TRIM68: variants seen among roughly 807,000 people sequenced by gnomAD.
TRIM68 encodes the protein E3 ubiquitin-protein ligase TRIM68.
In TRIM68, 36 loss-of-function variants were observed where a neutral mutation model predicts 41.9. The ratio of observed to expected loss-of-function variants is 0.86; its 90% CI spans 0.66 to 1.14. The LOEUF (loss-of-function observed/expected upper bound fraction) is 1.14, where lower values mean the gene tolerates loss of function less well. TRIM68 is among the 50% of genes most tolerant of loss of function. The probability of loss-of-function intolerance (pLI) is 0.00; values close to 1 mark genes in which losing one functional copy is unlikely to be tolerated. For missense variants in TRIM68, 632 were observed against 605.1 expected, an observed-to-expected ratio of 1.04 and a Z score of -0.47; for synonymous variants, 225 against 224.6, an observed-to-expected ratio of 1.00 and a Z score of -0.02.
intron 3 of TRIM68, 99 bp downstream of exon 3, chr11:4,603,146 T>C: frequency 8.6e-7 from 1 of 1,159,844 alleles, no homozygotes; most frequent in Non-Finnish European, 1.3e-6. Context: ...ATTTCAAGCC[T>C]CACATTCTGC....
intron 1 of TRIM68, among the ~76,000 whole-genome samples, chr11:4,606,579 GT>G (rs1281506697): frequency 1.3e-5 from 2 of 152,360 alleles, no homozygotes; most frequent in East Asian, 3.9e-4. Context: ...TTTAGCATTT[GT>G]GAGGTAAATT....
At chr11:4,606,883 A>C (rs1022753681) in intron 1 of TRIM68, among the ~76,000 whole-genome samples, 3 of 152,254 alleles carry the variant, frequency 2.0e-5, no homozygotes, top group Admixed American at 2.0e-4. Flanking sequence ...TAAATCTTGC[A>C]GGACTCTGAT....
chr11:4,606,776 A>AT (rs1308806713), intron 1 of TRIM68, among the ~76,000 whole-genome samples: 8 of 152,228 alleles, frequency 5.3e-5, no homozygotes, highest in Non-Finnish European at 1.0e-4. Context: ...CAAATTTCTT[A>AT]ACCTCTTTAG....
Position 4,608,141 on chromosome 11 carries a change from TTA to T in TRIM68, c.-174_-173del, listed in dbSNP as rs1846598056. On this transcript the variant is annotated 5_prime_UTR_variant, in exon 1 of 7. Coordinates refer to ENST00000300747, the MANE Select transcript of TRIM68 (RefSeq NM_018073.8). ...GCTGCCGTTCCCGGCAGCTCAGCAC[TTA>T]GGGCCAGAGAGCGGCAGAGGCCCAG... The T allele has an allele frequency of 2.6e-5, 4 of 152,468 alleles. No homozygotes were observed. Among genetic ancestry groups the T allele is most frequent in the African/African-American group, 9.6e-5 (4 of 41,478 alleles). The allele number at this position is 152,468 out of a possible 1,614,324, so 9.4% of individuals were successfully genotyped here.
chr11:4,606,913 C>A (rs1393661597), intron 1 of TRIM68, among the ~76,000 whole-genome samples: 1 of 152,198 alleles, frequency 6.6e-6, no homozygotes, highest in African/African-American at 2.4e-5. Context: ...GCAGGGCATG[C>A]CTTCTCACTA....
intron 1 of TRIM68, among the ~76,000 whole-genome samples, chr11:4,606,353 T>C (rs1846567738): frequency 6.6e-6 from 1 of 152,220 alleles, no homozygotes. Flanking sequence ...ACTTGGTCAA[T>C]GGCAGGCTCT....
chr11:4,598,871 T>C lies in TRIM68; in HGVS notation c.*1405A>G, dbSNP rs1323842339. The C allele has an allele frequency of 6.6e-6, 1 of 152,208 alleles. No homozygotes were observed. The highest frequency in any genetic ancestry group is 2.4e-5 in the African/African-American group (1 of 41,452). 9.4% of individuals were successfully genotyped at this position (152,208 alleles called of 1,614,324 possible). A position where few individuals can be genotyped will look rare whatever the true frequency, so the allele number is the denominator to read the frequency against. On this transcript the variant is annotated 3_prime_UTR_variant, in exon 7 of 7. Transcript: ENST00000300747. ...GCACTGCTATAAGATGCAGACTGTA[T>C]CATGGCACAGTGGGAAAGTCACCAT...
intron 4 of TRIM68, 154 bp downstream of exon 4, chr11:4,601,998 G>A: frequency 8.7e-7 from 1 of 1,144,678 alleles, no homozygotes; most frequent in Non-Finnish European, 1.2e-6. Flanking sequence ...GCCAGGGATA[G>A]GGAAACAGCA....
Position 4,605,526 on chromosome 11 carries a change from C to T in TRIM68, c.-22G>A. Reference sequence around the variant, plus strand: ...CCATGGTTCCTTCTCACACCCTCCTCAGAACATGAATGAAACCAGGGAGAA... The same window carrying T: ...CCATGGTTCCTTCTCACACCCTCCTTAGAACATGAATGAAACCAGGGAGAA... On this transcript the variant is annotated 5_prime_UTR_variant, in exon 2 of 7. The change abolishes the stop of an existing upstream ORF in the 5' untranslated region. Coordinates refer to ENST00000300747, the MANE Select transcript of TRIM68 (RefSeq NM_018073.8). 1 of 1,581,238 alleles carries T rather than the reference C, an allele frequency of 6.3e-7. No homozygotes were observed.
chr11:4,607,617 C>T (rs955864741), intron 1 of TRIM68, among the ~76,000 whole-genome samples: 2 of 152,126 alleles, frequency 1.3e-5, no homozygotes, highest in Non-Finnish European at 2.9e-5. Context: ...ATTTAGGGTG[C>T]TAAAAACATC....
At chr11:4,601,476 G>A in intron 5 of TRIM68, 188 bp downstream of exon 5, 1 of 627,934 alleles carries the variant, frequency 1.6e-6, no homozygotes. Flanking sequence ...ATTTGATCAA[G>A]TACAAAGAAG....
At chr11:4,606,985 C>T (rs1846579380) in intron 1 of TRIM68, among the ~76,000 whole-genome samples, 1 of 152,160 alleles carries the variant, frequency 6.6e-6, no homozygotes, top group African/African-American at 2.4e-5. Flanking sequence ...GATCCAGTAT[C>T]CTAAAACCTC....
At chr11:4,605,645 G>T in intron 1 of TRIM68, 84 bp from the exon 2 acceptor site, 1 of 859,400 alleles carries the variant, frequency 1.2e-6, no homozygotes, top group East Asian at 2.7e-5. Context: ...TTAATTTCTG[G>T]GGGAAAACCA....
In TRIM68 at chr11:4,605,227, A is replaced by G. The variant is rs549738493; in HGVS notation, c.278T>C (p.Leu93Pro). 1.1e-5 allele frequency: 17 copies of G among 1,614,262 alleles called. No homozygotes were observed. The South Asian group carries it at 1.5e-4, about 15-fold the overall frequency. The change falls in exon 2 of 7, where the codon CTG becomes CCG. Residue 93 changes from leucine to proline, a missense_variant. Leu to Pro is a moderately conservative substitution (Grantham distance 98, BLOSUM62 -3). Coordinates refer to ENST00000300747, the MANE Select transcript of TRIM68 (RefSeq NM_018073.8). ...ATGGCGCTCACACAGGTCACCCTTC[A>G]GCCCCATTCCTGGATGTAGCCTTAG... ...RLLRLHPGMG[L>P]KGDLCERHGE...
intron 6 of TRIM68, 62 bp from the exon 7 acceptor site, chr11:4,600,888 C>T: frequency 6.3e-7 from 1 of 1,578,842 alleles, no homozygotes; most frequent in Non-Finnish European, 8.6e-7. Flanking sequence ...GGTGAGAGCC[C>T]TCTGATAAAT....
rs1331802057 is a variant in TRIM68, at chr11:4,600,815, A to G, written c.919T>C (p.Leu307=). Residue 307 remains leucine, a synonymous_variant, in exon 7 of 7, where the codon TTG becomes CTG. Coordinates refer to ENST00000300747, the MANE Select transcript of TRIM68 (RefSeq NM_018073.8). ...ILKTYAADVR[L]DPDTAYSRLI... ...CGGGAGTAAGCAGTATCTGGATCCA[A>G]GCGCACATCAGCTAGAAGAAAAGGT... 1.2e-6 allele frequency: 2 copies of G among 1,612,148 alleles called. No individual in the cohort carries two copies. Among genetic ancestry groups the G allele is most frequent in the South Asian group, 1.1e-5 (1 of 90,962 alleles).
In TRIM68 at chr11:4,601,653, T is replaced by C; in HGVS notation, c.806+11A>G. 1 of 1,613,834 alleles carries C rather than the reference T, an allele frequency of 6.2e-7. No individual in the cohort carries two copies. Among genetic ancestry groups the C allele is most frequent in the South Asian group, 1.1e-5 (1 of 91,084 alleles). On this transcript the variant is annotated intron_variant, in intron 5 of 6. Transcript: ENST00000300747. ...CAGGGCTGCTTAGAGGCTCCAAGGG[T>C]GAGAACATACCTGTTTAACACTTCC...
Position 4,602,159 on chromosome 11 carries a change from A to G in TRIM68, c.776T>C (p.Met259Thr), listed in dbSNP as rs750350993. Residue 259 changes from methionine (M) to threonine (T), a missense_variant, in exon 4 of 7, where the codon ATG becomes ACG. By Grantham distance (81) the Met-to-Thr change is moderately conservative. Coordinates refer to ENST00000300747, the MANE Select transcript of TRIM68 (RefSeq NM_018073.8). Reference protein sequence around the residue: ...KERSQRPVRWMLQDIQEVLNR... With the variant: ...KERSQRPVRWTLQDIQEVLNR... ...GGAAAACCTACTACTCACCTGCAACATCCAGCGGACAGGCCTCTGCGACCT... is the reference window on the plus strand; with the variant it reads ...GGAAAACCTACTACTCACCTGCAACGTCCAGCGGACAGGCCTCTGCGACCT... 12 of 1,614,142 alleles carry G rather than the reference A, an allele frequency of 7.4e-6. No individual in the cohort carries two copies. The African/African-American group carries it at 1.5e-4, about 20-fold the overall frequency.
chr11:4,607,542 G>T (rs1288883771), intron 1 of TRIM68, among the ~76,000 whole-genome samples: 1 of 152,160 alleles, frequency 6.6e-6, no homozygotes. Flanking sequence ...GTGGCAGTAA[G>T]AAAGTAAGGC....
Sources: gnomAD v4.1 joint callset for allele counts (sites outside exome capture counted in the v4.1 genomes callset) on GRCh38, gnomAD v4.1.1 for gene constraint, MANE v1.5 for transcripts, NCBI Gene and HGNC (gene_info 2026-07-23, HGNC 2026-07-21) for gene names.